Variants in EPB41L4B observed in about 807,000 individuals in gnomAD.
The protein encoded by EPB41L4B is erythrocyte membrane protein band 4.1 like 4B.
A neutral mutation model predicts 112.5 loss-of-function variants in EPB41L4B; 30 were observed. That is an observed-to-expected ratio of 0.27 (90% CI 0.20 to 0.36). The LOEUF (loss-of-function observed/expected upper bound fraction) is 0.36. Among genes scored for constraint, EPB41L4B ranks in the 10% least tolerant of loss-of-function variants. EPB41L4B has a pLI of 1.00. For synonymous variants in EPB41L4B, 408 were observed against 439.7 expected (o/e 0.93, Z 0.90); for missense variants, 1,024 against 1,133.3 (o/e 0.90, Z 1.38).
chr9:109,183,049 C>A (rs188898971), intron 23 of EPB41L4B, among the ~76,000 whole-genome samples: 1 of 152,256 alleles, frequency 6.6e-6, no homozygotes, highest in Non-Finnish European at 1.5e-5. Context: ...TCCTAGAGCG[C>A]CCCCACACTT....
At chr9:109,194,195 G>T in intron 21 of EPB41L4B, 25 bp downstream of exon 21, 1 of 1,603,954 alleles carries the variant, frequency 6.2e-7, no homozygotes, top group Non-Finnish European at 8.5e-7. Context: ...GTGGCTGCTC[G>T]CCAGGGCTTT....
intron 1 of EPB41L4B, among the ~76,000 whole-genome samples, chr9:109,319,755 C>A (rs1356842755): frequency 6.6e-6 from 1 of 152,136 alleles, no homozygotes; most frequent in Non-Finnish European, 1.5e-5. Context: ...ACCCAATAAC[C>A]CAGTATCAGG....
Position 109,216,904 on chromosome 9 carries a change from C to G in EPB41L4B, c.1633+18G>C. ...TTGCTCCCCCTTCTCCTGCCTTGCC[C>G]CCTCCACCCCTACTCACTTGTAAGG... On this transcript the variant is annotated intron_variant, in intron 16 of 25. Transcript: ENST00000374566. 6.2e-7 allele frequency: 1 copy of G among 1,612,826 alleles called. No individual in the cohort carries two copies. Among genetic ancestry groups the G allele is most frequent in the Non-Finnish European group, 8.5e-7 (1 of 1,178,932 alleles).
At chr9:109,191,608 A>T (rs1160338872) in intron 22 of EPB41L4B, among the ~76,000 whole-genome samples, 1 of 152,198 alleles carries the variant, frequency 6.6e-6, no homozygotes, top group African/African-American at 2.4e-5. Flanking sequence ...GTTCAGTTCA[A>T]ACAAAGAAAA....
intron 15 of EPB41L4B, 62 bp from the exon 16 acceptor site, chr9:109,217,207 C>T: frequency 6.7e-7 from 1 of 1,485,098 alleles, no homozygotes; most frequent in Non-Finnish European, 9.4e-7. Context: ...CCTCTGTGTA[C>T]TTTCAAAGAC....
rs938632985 is a variant in EPB41L4B, at chr9:109,175,064, G to A, written c.2634-441C>T. On this transcript the variant is annotated intron_variant, in intron 25 of 25. Transcript: ENST00000374566. ...CCAGCATAGCTGGGATTACAGGCACGTGCCACCATGCCAAGCTAATTTTTT... is the reference window on the plus strand; with the variant it reads ...CCAGCATAGCTGGGATTACAGGCACATGCCACCATGCCAAGCTAATTTTTT... 5.9e-5 allele frequency among the ~76,000 whole-genome samples: 9 copies of A among 151,946 alleles called. No individual in the cohort carries two copies. The South Asian group carries it at 1.0e-3, about 18-fold the overall frequency.
At chr9:109,278,866 A>C (rs569338339) in intron 2 of EPB41L4B, among the ~76,000 whole-genome samples, 1 of 152,332 alleles carries the variant, frequency 6.6e-6, no homozygotes, top group Non-Finnish European at 1.5e-5. Context: ...GGGAAGGGGA[A>C]CTATGAAGTC....
chr9:109,320,083 G>A, intron 1 of EPB41L4B, 58 bp downstream of exon 1: 2 of 1,344,880 alleles, frequency 1.5e-6, no homozygotes, highest in South Asian at 1.7e-5. Context: ...ACTGGGGGAG[G>A]GGGAGCTGCC....
At chr9:109,214,684 T>TA (rs1564270692) in intron 16 of EPB41L4B, among the ~76,000 whole-genome samples, 3 of 152,002 alleles carry the variant, frequency 2.0e-5, no homozygotes, top group Non-Finnish European at 4.4e-5. Flanking sequence ...AGTAGAGTAT[T>TA]TTGTAAGAAG....
intron 18 of EPB41L4B, among the ~76,000 whole-genome samples, chr9:109,206,500 T>C (rs1036949575): frequency 3.3e-5 from 5 of 152,212 alleles, no homozygotes; most frequent in African/African-American, 9.6e-5. Flanking sequence ...GATAGTTATA[T>C]ATTTTTCTAA....
At chr9:109,176,058 A>G (rs1386846696) in intron 25 of EPB41L4B, among the ~76,000 whole-genome samples, 2 of 54,014 alleles carry the variant, frequency 3.7e-5, no homozygotes, top group Admixed American at 3.1e-4. Context: ...ACGCACACAC[A>G]CACACACACA....
intron 2 of EPB41L4B, among the ~76,000 whole-genome samples, chr9:109,271,827 G>A (rs1490334475): frequency 1.3e-5 from 2 of 152,154 alleles, no homozygotes; most frequent in African/African-American, 2.4e-5. Context: ...ACACTCTAAC[G>A]GGTGTTAGAA....
intron 25 of EPB41L4B, 43 bp downstream of exon 25, chr9:109,176,508 C>A: frequency 1.3e-6 from 2 of 1,558,336 alleles, no homozygotes; most frequent in South Asian, 1.2e-5. Context: ...CCTGGTTTCC[C>A]TGTCACCAGA....
At chr9:109,196,718 G>C (rs1433602031) in intron 20 of EPB41L4B, among the ~76,000 whole-genome samples, 1 of 84,638 alleles carries the variant, frequency 1.2e-5, no homozygotes, top group Non-Finnish European at 2.4e-5. Flanking sequence ...CCTTGTCTCC[G>C]AAAAAAAAAA....
chr9:109,204,026 G>T (rs1171262093), intron 18 of EPB41L4B, among the ~76,000 whole-genome samples: 1 of 152,170 alleles, frequency 6.6e-6, no homozygotes, highest in Non-Finnish European at 1.5e-5. Context: ...GGGATAGTGT[G>T]GGAAAAGCCA....
chr9:109,308,170 G>A (rs1244109673), intron 1 of EPB41L4B, among the ~76,000 whole-genome samples: 1 of 152,038 alleles, frequency 6.6e-6, no homozygotes, highest in Non-Finnish European at 1.5e-5. Context: ...ATGGGTTCAT[G>A]GAGGGCCTCC....
chr9:109,211,984 T>C (rs1004000668), intron 17 of EPB41L4B, among the ~76,000 whole-genome samples: 3 of 151,806 alleles, frequency 2.0e-5, no homozygotes, highest in African/African-American at 7.3e-5. Flanking sequence ...CCTCCCAAAG[T>C]GCTGGGATTA....
intron 1 of EPB41L4B, among the ~76,000 whole-genome samples, chr9:109,292,291 C>T (rs1175132959): frequency 6.6e-6 from 1 of 152,240 alleles, no homozygotes; most frequent in Non-Finnish European, 1.5e-5. Flanking sequence ...TCACCCATCA[C>T]TTTTTCTGGT....
At chr9:109,229,866 T>C (rs1377548331) in intron 15 of EPB41L4B, among the ~76,000 whole-genome samples, 1 of 152,170 alleles carries the variant, frequency 6.6e-6, no homozygotes, top group Non-Finnish European at 1.5e-5. Context: ...CAGCATGCTA[T>C]ACGTCACTTT....
Sources: allele counts gnomAD v4.1 joint callset (sites outside exome capture counted in the v4.1 genomes callset), GRCh38; gene constraint gnomAD v4.1.1; transcripts MANE v1.5; gene names NCBI Gene and HGNC (gene_info 2026-07-23, HGNC 2026-07-21).